The following MAGI1 variants were observed in gnomAD, a reference collection of about 807,000 sequenced individuals.
MAGI1 encodes membrane associated guanylate kinase, WW and PDZ domain containing 1.
MAGI1 carries 58 observed loss-of-function variants against 139.9 expected under a neutral mutation model. That is an observed-to-expected ratio of 0.41 (90% CI 0.34 to 0.52). The LOEUF (loss-of-function observed/expected upper bound fraction) is 0.52, where lower values mean the gene tolerates loss of function less well. Among genes scored for constraint, MAGI1 ranks in the 20% least tolerant of loss-of-function variants. MAGI1 has a pLI of 0.12. For missense variants in MAGI1, 1,874 were observed against 1,901.6 expected (o/e 0.99, Z 0.27); for synonymous variants, 812 against 737.9 (o/e 1.10, Z -1.63).
At chr3:65,488,341 T>C (rs1951760032) in intron 3 of MAGI1, among the ~76,000 whole-genome samples, 2 of 152,138 alleles carry the variant, frequency 1.3e-5, no homozygotes, top group Admixed American at 1.3e-4. Context: ...TTTTTTCTTT[T>C]TTTTTTGTTT....
intron 2 of MAGI1, among the ~76,000 whole-genome samples, chr3:65,546,580 A>G (rs1400027604): frequency 6.6e-6 from 1 of 152,234 alleles, no homozygotes; most frequent in African/African-American, 2.4e-5. Flanking sequence ...ACTTATCAAC[A>G]TCTATAAAAC....
intron 2 of MAGI1, among the ~76,000 whole-genome samples, chr3:65,526,426 A>G (rs1049817207): frequency 2.6e-5 from 4 of 152,184 alleles, no homozygotes; most frequent in Non-Finnish European, 5.9e-5. Flanking sequence ...TCTTACTTGC[A>G]ACGTATGTTA....
chr3:65,400,805 G>A, intron 13 of MAGI1, among the ~76,000 whole-genome samples: 1 of 111,188 alleles, frequency 9.0e-6, no homozygotes, highest in Non-Finnish European at 1.7e-5. Flanking sequence ...TCCTATACCT[G>A]CAGCATAATG....
chr3:65,470,431 C>T lies in MAGI1; in HGVS notation c.811G>A (p.Val271Met). The T allele has an allele frequency of 6.2e-7, 1 of 1,613,390 alleles. No homozygotes were observed. Among genetic ancestry groups the T allele is most frequent in the Non-Finnish European group, 8.5e-7 (1 of 1,179,882 alleles). The part of the protein sequence containing the change: ...HTLQETALPP[V>M]NSSIIAAPIT... Reference sequence around the variant, plus strand: ...GGAGCAGCGATGATGCTACTATTCACAGGTGGTAATGCTGTTTCTTGGAGA... The same window carrying T: ...GGAGCAGCGATGATGCTACTATTCATAGGTGGTAATGCTGTTTCTTGGAGA... Residue 271 changes from valine to methionine, a missense_variant, in exon 5 of 23, where the codon GTG becomes ATG. This residue lies in a region of MAGI1 where 648 missense variants were observed against 598.1 expected (regional missense o/e 1.08). Coordinates refer to ENST00000402939, the MANE Select transcript of MAGI1 (RefSeq NM_001033057.2).
At chr3:66,020,374 G>A (rs1021797298) in intron 1 of MAGI1, among the ~76,000 whole-genome samples, 1 of 152,118 alleles carries the variant, frequency 6.6e-6, no homozygotes, top group Admixed American at 6.6e-5. Flanking sequence ...AGGTTGCAAT[G>A]AGCCAAAATC....
intron 1 of MAGI1, among the ~76,000 whole-genome samples, chr3:65,777,610 C>G (rs1378905789): frequency 7.1e-6 from 1 of 141,814 alleles, no homozygotes; most frequent in Non-Finnish European, 1.5e-5. Flanking sequence ...CCACTGCACT[C>G]CAGCCTGGGC....
chr3:65,689,346 G>A (rs1216928181), intron 1 of MAGI1, among the ~76,000 whole-genome samples: 1 of 152,144 alleles, frequency 6.6e-6, no homozygotes, highest in Non-Finnish European at 1.5e-5. Flanking sequence ...GTTCCTAACT[G>A]CTCAATTCTA....
At chr3:65,633,993 C>T (rs2084457244) in intron 1 of MAGI1, among the ~76,000 whole-genome samples, 3 of 152,220 alleles carry the variant, frequency 2.0e-5, no homozygotes, top group Non-Finnish European at 4.4e-5. Context: ...CAATTGGACT[C>T]GAGATGACAG....
At chr3:65,673,738 C>A (rs961704491) in intron 1 of MAGI1, among the ~76,000 whole-genome samples, 6 of 152,154 alleles carry the variant, frequency 3.9e-5, no homozygotes, top group Admixed American at 6.5e-5. Flanking sequence ...GTGAGCCCTG[C>A]GTGCACATTC....
chr3:65,438,266 C>T (rs776970140), intron 9 of MAGI1, among the ~76,000 whole-genome samples: 1 of 152,156 alleles, frequency 6.6e-6, no homozygotes, highest in Non-Finnish European at 1.5e-5. Context: ...TTAAGTGAAA[C>T]AACTCAGAAA....
At chr3:65,976,574 T>C (rs1194626426) in intron 1 of MAGI1, among the ~76,000 whole-genome samples, 1 of 152,176 alleles carries the variant, frequency 6.6e-6, no homozygotes, top group Non-Finnish European at 1.5e-5. Context: ...GAGGTTGCAG[T>C]GAGCCAAGAT....
intron 1 of MAGI1, among the ~76,000 whole-genome samples, chr3:65,993,662 C>T (rs950393242): frequency 1.3e-5 from 2 of 152,150 alleles, no homozygotes; most frequent in Non-Finnish European, 2.9e-5. Flanking sequence ...GTGAGTTAGG[C>T]AGTTCAAGTG....
At position 65,510,362 on chromosome 3, in the gene MAGI1, C is replaced by T. The variant is rs567059462; in HGVS notation, c.431-16731G>A. Among the ~76,000 whole-genome samples the T allele has an allele frequency of 7.2e-3, 1,098 of 151,576 alleles. 16 individuals are homozygous for T. Among genetic ancestry groups the T allele is most frequent in the African/African-American group, 0.025 (1,035 of 41,264 alleles). On this transcript the variant is annotated intron_variant, in intron 2 of 22. Coordinates refer to ENST00000402939, the MANE Select transcript of MAGI1 (RefSeq NM_001033057.2). ...CAGACGATCAAATTACTCTGAGCTA[C>T]GGGGGGACATTCAAACCAAAGGCAA...
At chr3:65,855,316 A>C (rs777119723) in intron 1 of MAGI1, among the ~76,000 whole-genome samples, 2 of 151,910 alleles carry the variant, frequency 1.3e-5, no homozygotes, top group Non-Finnish European at 2.9e-5. Context: ...GCGATGGCTC[A>C]CACCTGTAAT....
intron 22 of MAGI1, 72 bp downstream of exon 22, chr3:65,361,127 T>C (rs1450863786): frequency 6.2e-7 from 1 of 1,613,506 alleles, no homozygotes; most frequent in Non-Finnish European, 8.5e-7. Context: ...AAGACTTTCC[T>C]GCTGCCGTTC....
chr3:65,767,466 A>AAAATAAATAAAT (rs567194596), intron 1 of MAGI1, among the ~76,000 whole-genome samples: 1 of 152,112 alleles, frequency 6.6e-6, no homozygotes, highest in Non-Finnish European at 1.5e-5. Flanking sequence ...AGAAAAAAGA[A>AAAATAAATAAAT]AAATAAATAA....
intron 1 of MAGI1, among the ~76,000 whole-genome samples, chr3:65,891,195 CT>C (rs1213641699): frequency 6.7e-6 from 1 of 149,038 alleles, no homozygotes; most frequent in East Asian, 2.0e-4. Context: ...GAGTGAGCCC[CT>C]GTCACAGAAA....
intron 13 of MAGI1, among the ~76,000 whole-genome samples, chr3:65,392,295 A>C (rs1943989652): frequency 6.6e-6 from 1 of 152,220 alleles, no homozygotes; most frequent in South Asian, 2.1e-4. Context: ...ACAGAAAATA[A>C]CTGTAGTTCT....
chr3:65,687,502 T>C, intron 1 of MAGI1: 1 of 382,918 alleles, frequency 2.6e-6, no homozygotes, highest in South Asian at 2.2e-5. Flanking sequence ...CAGCTCCTGA[T>C]TCTGCTGAGC....
Sources: allele counts gnomAD v4.1 joint callset (sites outside exome capture counted in the v4.1 genomes callset), GRCh38; gene constraint gnomAD v4.1.1; regional missense constraint gnomAD v4.1.1; transcripts MANE v1.5; gene names NCBI Gene and HGNC (gene_info 2026-07-23, HGNC 2026-07-21).